Variants in LHX9 observed in about 807,000 individuals in gnomAD.
LHX9 encodes LIM/homeobox protein Lhx9.
A neutral mutation model predicts 36.5 loss-of-function variants in LHX9; 9 were observed. That is an observed-to-expected ratio of 0.25 (90% CI 0.15 to 0.43). LHX9 has a LOEUF of 0.43. LHX9 is among the 20% of genes least tolerant of loss of function. The pLI is 1.00. For synonymous variants in LHX9, 211 were observed against 212.1 expected (o/e 0.99, Z 0.04); for missense variants, 464 against 526.4 (o/e 0.88, Z 1.16).
rs1260009334 is a variant in LHX9 at position 197,933,526 on chromosome 1, C to G, written c.*4267C>G. On this transcript the variant is annotated 3_prime_UTR_variant, in exon 5 of 5. Transcript: ENST00000367387. Reference sequence around the variant, plus strand: ...CCAATGCATTTCCAGCCAGTTTATTCAAATCTTTGCCCTACAGTCTTGCCT... The same window carrying G: ...CCAATGCATTTCCAGCCAGTTTATTGAAATCTTTGCCCTACAGTCTTGCCT... The G allele has an allele frequency of 6.6e-6, 1 of 152,038 alleles. No homozygotes were observed. The highest frequency in any genetic ancestry group is 1.5e-5 in the Non-Finnish European group (1 of 67,994). The allele number at this position is 152,038 out of a possible 1,614,324, so 9.4% of individuals were successfully genotyped here.
In LHX9 at chr1:197,917,663, C is replaced by G; in HGVS notation, c.-161C>G. The G allele has an allele frequency of 1.3e-6, 2 of 1,535,450 alleles. No individual in the cohort carries two copies. The highest frequency in any genetic ancestry group is 1.7e-6 in the Non-Finnish European group (2 of 1,146,550). ...CTTCCCAGTTCTTTTTGCTTCCCCT[C>G]GGCCCCCCAAGCAGACCGATTTCCA... On this transcript the variant is annotated 5_prime_UTR_variant, in exon 1 of 5. Transcript: ENST00000367387.
rs1363542708 is a variant in LHX9 at position 197,934,710 on chromosome 1, G to A, written c.*5451G>A. 6.6e-6 allele frequency: 1 copy of A among 151,942 alleles called. No individual in the cohort carries two copies. The highest frequency in any genetic ancestry group is 2.4e-5 in the African/African-American group (1 of 41,374). 9.4% of individuals were successfully genotyped at this position (151,942 alleles called of 1,614,324 possible). A position where few individuals can be genotyped will look rare whatever the true frequency, so the allele number is the denominator to read the frequency against. On this transcript the variant is annotated 3_prime_UTR_variant, in exon 5 of 5. Transcript: ENST00000367387. The stretch of plus-strand genomic sequence containing the variant: ...TTTTAGTAATTGGGAACAAACTCTT[G>A]ATATTAAAATAAATAAAATGCCTCT...
At chr1:197,917,195 C>A (rs994827992), upstream of LHX9, 2 of 982,358 alleles carry the variant, frequency 2.0e-6, no homozygotes, top group African/African-American at 3.5e-5. Flanking sequence ...ATCCCCCCAC[C>A]CCTTTGTAAT....
Position 197,917,755 on chromosome 1 carries a change from T to C in LHX9, c.-69T>C. On this transcript the variant is annotated 5_prime_UTR_variant, in exon 1 of 5. Coordinates refer to ENST00000367387, the MANE Select transcript of LHX9 (RefSeq NM_020204.3). ...CCATCCTCGAGCGTCTCTGCGCTCC[T>C]ACAGGGCAGCCCTCTCTGGTCCCTT... 1 of 1,611,228 alleles carries C rather than the reference T, an allele frequency of 6.2e-7. No homozygotes were observed. The highest frequency in any genetic ancestry group is 1.1e-5 in the South Asian group (1 of 90,620).
intron 1 of LHX9, among the ~76,000 whole-genome samples, chr1:197,919,586 C>T (rs895283781): frequency 6.6e-6 from 1 of 152,236 alleles, no homozygotes; most frequent in African/African-American, 2.4e-5. Context: ...TTCCTTTTCA[C>T]TCCCTTATCA....
At chr1:197,917,229 AG>A, upstream of LHX9, 1 of 1,184,348 alleles carries the variant, frequency 8.4e-7, no homozygotes. Flanking sequence ...GCCCATCACC[AG>A]GGGGTTGAGA....
chr1:197,926,613 C>T (rs1053001220), intron 3 of LHX9, among the ~76,000 whole-genome samples: 1 of 152,226 alleles, frequency 6.6e-6, no homozygotes, highest in South Asian at 2.1e-4. Flanking sequence ...GCCCTTGGTG[C>T]TAAGAAAGTC....
At position 197,932,999 on chromosome 1, in the gene LHX9, A is replaced by G. The variant is rs1488564029; in HGVS notation, c.*3740A>G. The G allele has an allele frequency of 6.6e-6, 1 of 152,028 alleles. No homozygotes were observed. The highest frequency in any genetic ancestry group is 1.5e-5 in the Non-Finnish European group (1 of 67,932). The allele number at this position is 152,028 out of a possible 1,614,324, so 9.4% of individuals were successfully genotyped here. ...AACTATAAAAAGATCCAATCTTTGC[A>G]TAGTTCAATTACATATGATTATTAC... On this transcript the variant is annotated 3_prime_UTR_variant, in exon 5 of 5. Transcript: ENST00000367387.
rs767300150 is a variant in LHX9, at chr1:197,917,532, C to A, written c.-292C>A. ...AGTTGTTTCCCATTAGTAACTCGAT[C>A]TCTCAGAGCAGTAAGATTCGCCTTC... On this transcript the variant is annotated 5_prime_UTR_variant, in exon 1 of 5. Coordinates refer to ENST00000367387, the MANE Select transcript of LHX9 (RefSeq NM_020204.3). 4 of 1,440,592 alleles carry A rather than the reference C, an allele frequency of 2.8e-6. No individual in the cohort carries two copies. Among genetic ancestry groups the A allele is most frequent in the South Asian group, 2.4e-5 (2 of 82,006 alleles). The allele number at this position is 1,440,592 out of a possible 1,614,324, so 89.2% of individuals were successfully genotyped here. A position where few individuals can be genotyped will look rare whatever the true frequency, so the allele number is the denominator to read the frequency against.
Position 197,931,413 on chromosome 1 carries a change from T to A in LHX9, c.*2154T>A, listed in dbSNP as rs1660322605. ...AGAAACTATTTCCCCTAAATATTTA[T>A]GGACCAAACAATTGTGATATATCCT... On this transcript the variant is annotated 3_prime_UTR_variant, in exon 5 of 5. Coordinates refer to ENST00000367387, the MANE Select transcript of LHX9 (RefSeq NM_020204.3). 6.6e-6 allele frequency: 1 copy of A among 152,196 alleles called. No individual in the cohort carries two copies. The highest frequency in any genetic ancestry group is 1.5e-5 in the Non-Finnish European group (1 of 67,982). 9.4% of individuals were successfully genotyped at this position (152,196 alleles called of 1,614,324 possible).
intron 1 of LHX9, chr1:197,918,660 C>T (rs1027112174): frequency 3.8e-5 from 17 of 451,386 alleles, no homozygotes; most frequent in Non-Finnish European, 5.6e-5. Context: ...CCAGTCGAAA[C>T]GCATGAACTT....
Position 197,921,949 on chromosome 1 carries a change from G to A in LHX9, c.733+290G>A, listed in dbSNP as rs1660004844. The stretch of plus-strand genomic sequence containing the variant: ...AAATCCTTGTTGCCCATTAGTTAAT[G>A]AGCCCATTAGTTTCTGGCTCTCAGT... On this transcript the variant is annotated intron_variant, in intron 3 of 4. Coordinates refer to ENST00000367387, the MANE Select transcript of LHX9 (RefSeq NM_020204.3). This position sits in a 1 kb window ranked among gnomAD's most constrained non-coding sequence, Gnocchi z 4.6. Among the ~76,000 whole-genome samples, 1 of 152,074 alleles carries A rather than the reference G, an allele frequency of 6.6e-6. No individual in the cohort carries two copies. Among genetic ancestry groups the A allele is most frequent in the African/African-American group, 2.4e-5 (1 of 41,410 alleles).
Position 197,932,152 on chromosome 1 carries a change from A to C in LHX9, c.*2893A>C. ...GAAACTTGTGTTCTTTATGGTGTCTAACACAACTGAAGGCCTAAAATTATG... is the reference window on the plus strand; with the variant it reads ...GAAACTTGTGTTCTTTATGGTGTCTCACACAACTGAAGGCCTAAAATTATG... On this transcript the variant is annotated 3_prime_UTR_variant, in exon 5 of 5. Transcript: ENST00000367387. The C allele has an allele frequency of 2.0e-6, 1 of 491,494 alleles. No individual in the cohort carries two copies. The highest frequency in any genetic ancestry group is 3.0e-5 in the East Asian group (1 of 33,590). The allele number at this position is 491,494 out of a possible 1,614,324, so 30.4% of individuals were successfully genotyped here.
In LHX9 at chr1:197,931,814, G is replaced by A. The variant is rs562251423; in HGVS notation, c.*2555G>A. 203 of 720,986 alleles carry A rather than the reference G, an allele frequency of 2.8e-4. No individual in the cohort carries two copies. The African/African-American group carries it at 3.3e-3, about 12-fold the overall frequency. The allele number at this position is 720,986 out of a possible 1,614,324, so 44.7% of individuals were successfully genotyped here. ...AAATATGATTAAGATTTCATGTTAG[G>A]TCTATTGAGCACAAATGGATATTTG... On this transcript the variant is annotated 3_prime_UTR_variant, in exon 5 of 5. Coordinates refer to ENST00000367387, the MANE Select transcript of LHX9 (RefSeq NM_020204.3).
In LHX9 at chr1:197,931,459, A is replaced by C. The variant is rs10801634; in HGVS notation, c.*2200A>C. 0.93 allele frequency: 141,930 copies of C among 152,682 alleles called. 66,410 individuals carry two copies. The highest frequency in any genetic ancestry group is 1 in the East Asian group (5,202 of 5,202). The allele number at this position is 152,682 out of a possible 1,614,324, so 9.5% of individuals were successfully genotyped here. Reference sequence around the variant, plus strand: ...ATCCTATTAAATTTGTGTGAATAAAACATTTTGAATCTAAGGAGTTTTCTT... The same window carrying C: ...ATCCTATTAAATTTGTGTGAATAAACCATTTTGAATCTAAGGAGTTTTCTT... On this transcript the variant is annotated 3_prime_UTR_variant, in exon 5 of 5. Coordinates refer to ENST00000367387, the MANE Select transcript of LHX9 (RefSeq NM_020204.3).
At position 197,929,465 on chromosome 1, in the gene LHX9, G is replaced by A; in HGVS notation, c.*206G>A. 7.5e-6 allele frequency: 8 copies of A among 1,066,604 alleles called. No individual in the cohort carries two copies. The highest frequency in any genetic ancestry group is 9.1e-6 in the Non-Finnish European group (8 of 881,652). 66.1% of individuals were successfully genotyped at this position (1,066,604 alleles called of 1,614,324 possible). On this transcript the variant is annotated 3_prime_UTR_variant, in exon 5 of 5. Coordinates refer to ENST00000367387, the MANE Select transcript of LHX9 (RefSeq NM_020204.3). ...TGTCTCCTTTAAGTGAATATATTTTGTCTACAAAGTGTATTTGGATTTAAA... is the reference window on the plus strand; with the variant it reads ...TGTCTCCTTTAAGTGAATATATTTTATCTACAAAGTGTATTTGGATTTAAA...
chr1:197,920,779 C>T (rs1003631451), intron 2 of LHX9, among the ~76,000 whole-genome samples: 25 of 152,114 alleles, frequency 1.6e-4, no homozygotes, highest in Non-Finnish European at 3.4e-4. Flanking sequence ...AAAGACAGGA[C>T]TAAGTGCAGG....
At chr1:197,913,730 C>G (rs1291407089), upstream of LHX9, among the ~76,000 whole-genome samples, 1 of 152,196 alleles carries the variant, frequency 6.6e-6, no homozygotes. Context: ...TTAAGAGCCG[C>G]GCCTTTCAAA....
In LHX9 at chr1:197,921,431, A is replaced by G; in HGVS notation, c.505A>G (p.Thr169Ala). ...FTCSTCNKTL[T>A]TGDHFGMKDS... is the part of the protein sequence containing the mutation. ...CTGCTCCACTTGCAACAAGACTCTG[A>G]CCACGGGCGACCATTTCGGCATGAA... Residue 169 changes from threonine to alanine, a missense_variant, in exon 3 of 5, where the codon ACC (threonine) becomes GCC (alanine). Thr to Ala is a moderately conservative substitution (Grantham distance 58). Transcript: ENST00000367387. This position sits in a 1 kb window ranked among gnomAD's most constrained non-coding sequence, Gnocchi z 4.6. The G allele has an allele frequency of 6.2e-7, 1 of 1,614,172 alleles. No individual in the cohort carries two copies. Among genetic ancestry groups the G allele is most frequent in the Non-Finnish European group, 8.5e-7 (1 of 1,180,022 alleles).
Sources: gnomAD v4.1 joint callset for allele counts (sites outside exome capture counted in the v4.1 genomes callset) on GRCh38, gnomAD v4.1.1 for gene constraint, Gnocchi (gnomAD v3.1) non-coding constraint, MANE v1.5 for transcripts, NCBI Gene and HGNC (gene_info 2026-07-23, HGNC 2026-07-21) for gene names.